Variants in PAH observed in about 807,000 individuals in gnomAD.
The protein encoded by PAH is phenylalanine hydroxylase, also known as phenylalanine-4-hydroxylase.
A neutral mutation model predicts 62.0 loss-of-function variants in PAH; 64 were observed. That is an observed-to-expected ratio of 1.03 (90% CI 0.84 to 1.27). The LOEUF (loss-of-function observed/expected upper bound fraction) is 1.27, where lower values mean the gene tolerates loss of function less well. Ranked by LOEUF, PAH falls within the 50% of genes most tolerant of loss-of-function variation. The probability of loss-of-function intolerance (pLI) is 0.00; values close to 1 mark genes in which losing one functional copy is unlikely to be tolerated. For synonymous variants in PAH, 195 were observed against 196.2 expected, an observed-to-expected ratio of 0.99 and a Z score of 0.05; for missense variants, 579 against 542.8, an observed-to-expected ratio of 1.07 and a Z score of -0.66.
At chr12:102,852,697 A>C (rs1875208687) in intron 7 of PAH, 118 bp downstream of exon 7, 13 of 1,258,410 alleles carry the variant, frequency 1.0e-5, no homozygotes, top group Non-Finnish European at 1.5e-5. Context: ...CTACCAGCAA[A>C]CAGTCTAGAC....
At chr12:102,922,250 G>C (rs1428436912), upstream of PAH, among the ~76,000 whole-genome samples, 1 of 142,048 alleles carries the variant, frequency 7.0e-6, no homozygotes, top group Non-Finnish European at 1.5e-5. Context: ...CTGGAATACA[G>C]TGGTACGATC....
At position 102,897,492 on chromosome 12, in the gene PAH, T is replaced by TAA. The variant is rs1555208291; in HGVS notation, c.169-2576_169-2575dup. On this transcript the variant is annotated intron_variant, in intron 2 of 12. Transcript: ENST00000553106. The stretch of plus-strand genomic sequence containing the variant: ...ATATATATATATATATATATATATA[T>TAA]AATTCAAACTGACATTTATTCTTGG... Among the ~76,000 whole-genome samples the TAA allele has an allele frequency of 8.1e-4, 112 of 137,458 alleles. 1 individual carries two copies. Among genetic ancestry groups the TAA allele is most frequent in the African/African-American group, 3.4e-3 (106 of 31,314 alleles). The allele number at this position is 137,458 out of a possible 152,430, so 90.2% of individuals were successfully genotyped here. A position where few individuals can be genotyped will look rare whatever the true frequency, so the allele number is the denominator to read the frequency against.
intron 8 of PAH, among the ~76,000 whole-genome samples, chr12:102,849,078 G>A (rs999428590): frequency 2.0e-5 from 3 of 152,194 alleles, no homozygotes; most frequent in African/African-American, 4.8e-5. Context: ...CAGTCACTAG[G>A]ATGAGAAATG....
chr12:102,870,573 A>T (rs1876264534), intron 4 of PAH, among the ~76,000 whole-genome samples: 1 of 152,212 alleles, frequency 6.6e-6, no homozygotes, highest in Non-Finnish European at 1.5e-5. Context: ...AATATAAAAA[A>T]GATGTACTCT....
chr12:102,845,621 T>C (rs1199108407), intron 9 of PAH, among the ~76,000 whole-genome samples: 1 of 152,234 alleles, frequency 6.6e-6, no homozygotes. Flanking sequence ...AGTTAGCTGC[T>C]GGAGACAGTC....
In PAH at chr12:102,855,285, G is replaced by C; in HGVS notation, c.557C>G (p.Thr186Arg). 1 of 1,614,004 alleles carries C rather than the reference G, an allele frequency of 6.2e-7. No individual in the cohort carries two copies. Among genetic ancestry groups the C allele is most frequent in the South Asian group, 1.1e-5 (1 of 91,072 alleles). The stretch of plus-strand genomic sequence containing the variant: ...CAGAGTCTTGAACACTGTGCCCCAT[G>C]TTTTCTTTTCTTCCTCCATGTATTC... ...RVEYMEEEKK[T>R]WGTVFKTLKS... Residue 186 changes from threonine (T) to arginine (R), a missense_variant, in exon 6 of 13, where the codon ACA (threonine) becomes AGA (arginine). Thr to Arg is a moderately conservative substitution (Grantham distance 71, BLOSUM62 -1). Transcript: ENST00000553106.
intron 2 of PAH, among the ~76,000 whole-genome samples, chr12:102,902,860 T>G (rs79319758): frequency 0.11 from 16,131 of 152,190 alleles, 1,004 homozygotes; most frequent in Non-Finnish European, 0.14. Flanking sequence ...ATTTTTTCTT[T>G]CAGTCACCTC....
intron 8 of PAH, among the ~76,000 whole-genome samples, chr12:102,847,633 A>G (rs1874911421): frequency 6.6e-6 from 1 of 152,218 alleles, no homozygotes; most frequent in Non-Finnish European, 1.5e-5. Flanking sequence ...AATAATGAAC[A>G]TATACATAAC....
intron 1 of PAH, among the ~76,000 whole-genome samples, chr12:102,943,631 A>G (rs1879374654): frequency 6.6e-6 from 1 of 152,164 alleles, no homozygotes; most frequent in Non-Finnish European, 1.5e-5. Flanking sequence ...CTGCAGCATT[A>G]TTAGCAATAG....
chr12:102,881,051 T>C (rs1356297269), intron 3 of PAH, among the ~76,000 whole-genome samples: 1 of 150,982 alleles, frequency 6.6e-6, no homozygotes, highest in East Asian at 1.9e-4. Flanking sequence ...TCTTGCTCTA[T>C]CACCCAGGCT....
Position 102,917,231 on chromosome 12 carries a change from G to A in PAH, c.-101C>T. 1.1e-6 allele frequency: 1 copy of A among 937,670 alleles called. No individual in the cohort carries two copies. Among genetic ancestry groups the A allele is most frequent in the East Asian group, 2.5e-5 (1 of 39,932 alleles). The allele number at this position is 937,670 out of a possible 1,614,324, so 58.1% of individuals were successfully genotyped here. A position where few individuals can be genotyped will look rare whatever the true frequency, so the allele number is the denominator to read the frequency against. On this transcript the variant is annotated 5_prime_UTR_variant, in exon 1 of 13. Transcript: ENST00000553106. ...CTGAAGGTTTTAACCTCGCACTAGG[G>A]AGGAGAAGAGAGTTACAAAGGGTGT...
At chr12:102,890,925 A>T (rs1266169732) in intron 3 of PAH, among the ~76,000 whole-genome samples, 1 of 152,248 alleles carries the variant, frequency 6.6e-6, no homozygotes, top group East Asian at 1.9e-4. Flanking sequence ...TCTACTAAAA[A>T]TATAAAAATT....
At chr12:102,876,259 T>C (rs1876560663) in intron 4 of PAH, among the ~76,000 whole-genome samples, 1 of 152,178 alleles carries the variant, frequency 6.6e-6, no homozygotes, top group Non-Finnish European at 1.5e-5. Context: ...GAAGCATCAA[T>C]CATTCATATT....
In PAH at chr12:102,917,159, C is replaced by T. The variant is rs1007806727; in HGVS notation, c.-29G>A. 20 of 1,610,374 alleles carry T rather than the reference C, an allele frequency of 1.2e-5. No homozygotes were observed. The highest frequency in any genetic ancestry group is 1.6e-5 in the Non-Finnish European group (19 of 1,176,644). ...GGCTCCCCGGGAGTGAGGTCTCTGG[C>T]TTTTTAGGGCCTCAGGTACAGGCAG... On this transcript the variant is annotated 5_prime_UTR_variant, in exon 1 of 13. Coordinates refer to ENST00000553106, the MANE Select transcript of PAH (RefSeq NM_000277.3).
intron 1 of PAH, among the ~76,000 whole-genome samples, chr12:102,947,789 G>C (rs1262686502): frequency 1.3e-5 from 2 of 152,182 alleles, no homozygotes; most frequent in African/African-American, 4.8e-5. Flanking sequence ...AGATGTAGAT[G>C]GACATGTATT....
At chr12:102,844,199 C>A (rs770385412) in intron 10 of PAH, 137 bp downstream of exon 10, 13 of 706,392 alleles carry the variant, frequency 1.8e-5, no homozygotes, top group Non-Finnish European at 2.3e-5. Flanking sequence ...TGCTAAGGTA[C>A]CAATCACTGG....
chr12:102,884,600 G>A (rs1457662295), intron 3 of PAH, among the ~76,000 whole-genome samples: 1 of 152,116 alleles, frequency 6.6e-6, no homozygotes, highest in African/African-American at 2.4e-5. Context: ...CTTCTTTGGG[G>A]TGGGAAGAAA....
At chr12:102,860,918 G>C (rs1875685849) in intron 5 of PAH, among the ~76,000 whole-genome samples, 1 of 152,162 alleles carries the variant, frequency 6.6e-6, no homozygotes, top group Non-Finnish European at 1.5e-5. Context: ...CAGGACATAG[G>C]CATGGGCAAG....
rs1433112814 is a variant in PAH at position 102,957,362 on chromosome 12, G to A, written c.-96+833C>T. Reference sequence around the variant, plus strand: ...CCACCCCCTTCCTAAAGCCACCCCCGGCAGCAGCCCGCCCCGAGCGCGCCG... The same window carrying A: ...CCACCCCCTTCCTAAAGCCACCCCCAGCAGCAGCCCGCCCCGAGCGCGCCG... On this transcript the variant is annotated intron_variant, in intron 1 of 4. Coordinates refer to the PAH transcript ENST00000551337. The surrounding 1 kb of genome is among the most constrained non-coding windows in gnomAD (Gnocchi z 4.1). Among the ~76,000 whole-genome samples, 14 of 151,864 alleles carry A rather than the reference G, an allele frequency of 9.2e-5. No homozygotes were observed. The highest frequency in any genetic ancestry group is 1.6e-4 in the Non-Finnish European group (11 of 67,968).
Sources: gnomAD v4.1 joint callset for allele counts (sites outside exome capture counted in the v4.1 genomes callset) on GRCh38, gnomAD v4.1.1 for gene constraint, Gnocchi (gnomAD v3.1) non-coding constraint, MANE v1.5 for transcripts, NCBI Gene and HGNC (gene_info 2026-07-23, HGNC 2026-07-21) for gene names.